The following ADK variants were observed in gnomAD, a reference collection of about 807,000 sequenced individuals.
ADK encodes N6,N6-dimethyladenosine kinase.
Under a neutral mutation model 44.7 loss-of-function variants are expected in ADK, and 24 were observed. The observed-to-expected ratio is 0.54, with a 90% CI of 0.39 to 0.76. The LOEUF (loss-of-function observed/expected upper bound fraction) is 0.76, where lower values mean the gene tolerates loss of function less well. ADK is among the 30% of genes least tolerant of loss of function. ADK has a pLI of 0.00. For missense variants in ADK, 321 were observed against 425.1 expected (o/e 0.76, Z 2.15); for synonymous variants, 128 against 142.6 (o/e 0.90, Z 0.73).
At chr10:74,705,422 G>A (rs1266883660) in intron 10 of ADK, among the ~76,000 whole-genome samples, 1 of 151,646 alleles carries the variant, frequency 6.6e-6, no homozygotes, top group Non-Finnish European at 1.5e-5. Context: ...TACAATAAAC[G>A]GTATGAATCT....
At chr10:74,694,058 T>C (rs1856081476) in intron 10 of ADK, among the ~76,000 whole-genome samples, 2 of 151,618 alleles carry the variant, frequency 1.3e-5, no homozygotes, top group Admixed American at 6.6e-5. Context: ...AAAAGTGTAA[T>C]GTAGCTTATT....
chr10:74,543,123 A>G (rs941758052), intron 7 of ADK, among the ~76,000 whole-genome samples: 3 of 151,238 alleles, frequency 2.0e-5, no homozygotes, highest in Non-Finnish European at 2.9e-5. Context: ...GCTGGTCTTG[A>G]TCTCCTGTCC....
intron 6 of ADK, among the ~76,000 whole-genome samples, chr10:74,410,118 A>C (rs1284526690): frequency 6.6e-6 from 1 of 152,156 alleles, no homozygotes; most frequent in Non-Finnish European, 1.5e-5. Flanking sequence ...GTTAGAATGA[A>C]TTTATAATTA....
intron 4 of ADK, among the ~76,000 whole-genome samples, chr10:74,375,613 T>G (rs757302730): frequency 6.6e-6 from 1 of 152,170 alleles, no homozygotes; most frequent in Non-Finnish European, 1.5e-5. Flanking sequence ...AGCCTCTTAT[T>G]AGAGTCAGTC....
chr10:74,302,119 TTTTTTTTTTTTTTTTTTTTTTTTTTTTGA>T (rs1840072197), intron 3 of ADK, among the ~76,000 whole-genome samples: 1 of 24,936 alleles, frequency 4.0e-5, no homozygotes, highest in Non-Finnish European at 9.5e-5. Context: ...GTTTTTTTTT[TTTTTTTTTTTTTTTTTTTTTTTTTTTTGA>T]GATGGAGTCT....
intron 6 of ADK, among the ~76,000 whole-genome samples, chr10:74,482,753 C>T (rs972244623): frequency 5.9e-5 from 9 of 152,178 alleles, no homozygotes; most frequent in African/African-American, 1.2e-4. Flanking sequence ...CATGCAAGTC[C>T]GAAACCCAGC....
chr10:74,577,863 A>ACT (rs1851250076), intron 7 of ADK, among the ~76,000 whole-genome samples: 1 of 151,932 alleles, frequency 6.6e-6, no homozygotes, highest in Admixed American at 6.6e-5. Context: ...CTCACACCTT[A>ACT]CTCTTACCAC....
chr10:74,506,663 G>C (rs1306224181), intron 6 of ADK: 1 of 152,256 alleles, frequency 6.6e-6, no homozygotes. Context: ...TTCATTTTAT[G>C]CAGTTAGGAT....
chr10:74,220,115 A>G (rs1033573491), intron 2 of ADK, among the ~76,000 whole-genome samples: 9 of 152,166 alleles, frequency 5.9e-5, no homozygotes, highest in Admixed American at 5.9e-4. Context: ...AAATTGATAG[A>G]CCACTAGCAA....
intron 1 of ADK, among the ~76,000 whole-genome samples, chr10:74,196,604 A>G (rs1286159492): frequency 6.6e-6 from 1 of 152,210 alleles, no homozygotes; most frequent in Non-Finnish European, 1.5e-5. Flanking sequence ...AATGCATTAC[A>G]TATTAAACAG....
chr10:74,162,056 T>C lies in ADK; in HGVS notation c.65+10713T>C, dbSNP rs372165713. ...TGTTTTTTAGACAGAGTTTCACTCT[T>C]GTTGACCAGGCTGGAGTGTAGTGGC... On this transcript the variant is annotated intron_variant, in intron 1 of 10. Transcript: ENST00000539909. Among the ~76,000 whole-genome samples, 392 of 152,246 alleles carry C rather than the reference T, an allele frequency of 2.6e-3. 1 individual carries two copies. The highest frequency in any genetic ancestry group is 9.1e-3 in the African/African-American group (380 of 41,540).
At chr10:74,303,536 TGAAA>T (rs948764110) in intron 3 of ADK, among the ~76,000 whole-genome samples, 2 of 145,008 alleles carry the variant, frequency 1.4e-5, no homozygotes, top group Non-Finnish European at 3.0e-5. Context: ...ATTTGGAAGA[TGAAA>T]GAAAGTATCT....
chr10:74,411,746 A>C (rs1398700507), intron 6 of ADK, among the ~76,000 whole-genome samples: 1 of 152,176 alleles, frequency 6.6e-6, no homozygotes, highest in Non-Finnish European at 1.5e-5. Flanking sequence ...TCTTTCATAA[A>C]AGATTTCTCT....
chr10:74,294,428 A>G (rs567421455), intron 3 of ADK, among the ~76,000 whole-genome samples: 2 of 152,116 alleles, frequency 1.3e-5, no homozygotes, highest in Non-Finnish European at 2.9e-5. Flanking sequence ...CTGGGATTAC[A>G]GGCACACGCC....
At chr10:74,176,595 C>T in intron 1 of ADK, 1 of 1,380,430 alleles carries the variant, frequency 7.2e-7, no homozygotes, top group Non-Finnish European at 9.4e-7. Context: ...AGTCATCTCG[C>T]TAGCCCGCGC....
chr10:74,360,358 A>G (rs910065564), intron 4 of ADK, among the ~76,000 whole-genome samples: 1 of 152,192 alleles, frequency 6.6e-6, no homozygotes, highest in Non-Finnish European at 1.5e-5. Flanking sequence ...AAGAATGTGT[A>G]TTCTGTAGCA....
intron 1 of ADK, chr10:74,176,936 C>T: frequency 6.2e-7 from 1 of 1,605,340 alleles, no homozygotes; most frequent in Non-Finnish European, 8.5e-7. Context: ...CGTTAGCCTC[C>T]CGAGCGCGTG....
At chr10:74,549,097 A>G (rs1849938372) in intron 7 of ADK, among the ~76,000 whole-genome samples, 1 of 152,356 alleles carries the variant, frequency 6.6e-6, no homozygotes, top group African/African-American at 2.4e-5. Context: ...TATTCATTTA[A>G]TAGTCAATAA....
chr10:74,307,780 T>C (rs1376166982), intron 3 of ADK, among the ~76,000 whole-genome samples: 1 of 152,166 alleles, frequency 6.6e-6, no homozygotes, highest in Non-Finnish European at 1.5e-5. Context: ...TTATAAACCA[T>C]GGACTCTGGT....
Sources: allele counts gnomAD v4.1 joint callset (sites outside exome capture counted in the v4.1 genomes callset), GRCh38; gene constraint gnomAD v4.1.1; transcripts MANE v1.5; gene names NCBI Gene and HGNC (gene_info 2026-07-23, HGNC 2026-07-21).